BBX: variants seen among roughly 807,000 people sequenced by gnomAD.
The protein encoded by BBX is BBX high mobility group box domain containing, also known as HMG box transcription factor BBX.
In BBX, 30 loss-of-function variants were observed where a neutral mutation model predicts 100.2. The ratio of observed to expected loss-of-function variants is 0.30; its 90% CI spans 0.22 to 0.41. The LOEUF (loss-of-function observed/expected upper bound fraction) is 0.41, where lower values mean the gene tolerates loss of function less well. Among genes scored for constraint, BBX ranks in the 10% least tolerant of loss-of-function variants. The probability of loss-of-function intolerance (pLI) is 1.00; values close to 1 mark genes in which losing one functional copy is unlikely to be tolerated. For missense variants in BBX, 1,023 were observed against 1,129.8 expected (o/e 0.91, Z 1.35); for synonymous variants, 376 against 388.1 (o/e 0.97, Z 0.37).
chr3:107,643,849 T>C (rs1415583576), intron 2 of BBX, among the ~76,000 whole-genome samples: 1 of 152,168 alleles, frequency 6.6e-6, no homozygotes. Context: ...TGTTTCTGTT[T>C]GGCTGTCAGA....
At chr3:107,637,692 C>T (rs1210951377) in intron 2 of BBX, among the ~76,000 whole-genome samples, 1 of 152,152 alleles carries the variant, frequency 6.6e-6, no homozygotes, top group South Asian at 2.1e-4. Context: ...AGTGTGAAGT[C>T]ATGAGAAAAG....
rs1331269577 is a variant in BBX at position 107,748,048 on chromosome 3, T to G, written c.825+9T>G. ...TGTTTCAGTTTGCAGAGGTATGGCC[T>G]TTTTAAAATGCTTTTTAGGCTAAGA... On this transcript the variant is annotated intron_variant, in intron 9 of 17. Transcript: ENST00000325805. 3 of 1,605,292 alleles carry G rather than the reference T, an allele frequency of 1.9e-6. No homozygotes were observed. The highest frequency in any genetic ancestry group is 2.6e-6 in the Non-Finnish European group (3 of 1,174,966).
At chr3:107,660,319 T>G (rs1445966730) in intron 3 of BBX, among the ~76,000 whole-genome samples, 1 of 152,074 alleles carries the variant, frequency 6.6e-6, no homozygotes, top group Non-Finnish European at 1.5e-5. Flanking sequence ...ATTAAAATTT[T>G]TTTCTGGTTT....
rs1362675139 is a variant in BBX, at chr3:107,807,545, A to G, written c.*2088A>G. Reference sequence around the variant, plus strand: ...AATCCAAAACAAAAAACCAACAACAAAAATTGTATGGTGCGGAACATGCAC... The same window carrying G: ...AATCCAAAACAAAAAACCAACAACAGAAATTGTATGGTGCGGAACATGCAC... On this transcript the variant is annotated 3_prime_UTR_variant, in exon 18 of 18. Coordinates refer to ENST00000325805, the MANE Select transcript of BBX (RefSeq NM_001142568.3). 6.6e-6 allele frequency: 1 copy of G among 152,238 alleles called. No homozygotes were observed. The highest frequency in any genetic ancestry group is 1.5e-5 in the Non-Finnish European group (1 of 68,044). The allele number at this position is 152,238 out of a possible 1,614,324, so 9.4% of individuals were successfully genotyped here.
rs146778445 is a variant in BBX at position 107,582,482 on chromosome 3, C to T, written c.-84+56084C>T. On this transcript the variant is annotated intron_variant, in intron 2 of 17. Transcript: ENST00000325805. ...TTTGAAAACCAATAGCCACCCAAAG[C>T]CAAACTATTGATACTAATTTTAAGA... 5.1e-4 allele frequency among the ~76,000 whole-genome samples: 77 copies of T among 152,052 alleles called. No homozygotes were observed. In the South Asian group the frequency reaches 5.4e-3, roughly 11 times the overall value.
chr3:107,775,405 C>T (rs1296816347), intron 12 of BBX, among the ~76,000 whole-genome samples: 1 of 152,000 alleles, frequency 6.6e-6, no homozygotes, highest in Non-Finnish European at 1.5e-5. Context: ...CAATGGCATG[C>T]ATCAAGATAA....
chr3:107,533,343 A>G (rs62263345), intron 2 of BBX, among the ~76,000 whole-genome samples: 13,816 of 152,222 alleles, frequency 0.091, 886 homozygotes, highest in Middle Eastern at 0.17. Context: ...TTATTTTGCT[A>G]ACTTTGATCA....
At chr3:107,557,478 G>A (rs1416804152) in intron 2 of BBX, among the ~76,000 whole-genome samples, 1 of 152,136 alleles carries the variant, frequency 6.6e-6, no homozygotes, top group East Asian at 1.9e-4. Context: ...TCAAACCCTA[G>A]ATCTATGATC....
At chr3:107,700,330 G>A (rs2060941374) in intron 3 of BBX, among the ~76,000 whole-genome samples, 1 of 151,364 alleles carries the variant, frequency 6.6e-6, no homozygotes, top group Non-Finnish European at 1.5e-5. Context: ...AAAGTGGCAG[G>A]GAAGATGAGA....
At chr3:107,658,373 G>A (rs1306976118) in intron 3 of BBX, among the ~76,000 whole-genome samples, 1 of 152,036 alleles carries the variant, frequency 6.6e-6, no homozygotes, top group African/African-American at 2.4e-5. Context: ...AATGCCATCA[G>A]CAAACAAATA....
At chr3:107,693,212 A>G (rs1373212072) in intron 3 of BBX, among the ~76,000 whole-genome samples, 1 of 151,332 alleles carries the variant, frequency 6.6e-6, no homozygotes, top group African/African-American at 2.4e-5. Context: ...ATTAGATCCC[A>G]TTTGACAATT....
chr3:107,631,299 G>A (rs1319777498), intron 2 of BBX, among the ~76,000 whole-genome samples: 1 of 152,064 alleles, frequency 6.6e-6, no homozygotes, highest in African/African-American at 2.4e-5. Context: ...AAAGTGCCCG[G>A]GCAGGCACTT....
At chr3:107,772,596 G>T in intron 10 of BBX, 32 bp from the exon 11 acceptor site, 1 of 1,531,160 alleles carries the variant, frequency 6.5e-7, no homozygotes, top group Non-Finnish European at 8.7e-7. Context: ...GGATACTTTC[G>T]GGTGCTCTCC....
intron 2 of BBX, among the ~76,000 whole-genome samples, chr3:107,536,417 T>C (rs1251281691): frequency 2.0e-5 from 3 of 152,088 alleles, no homozygotes; most frequent in Non-Finnish European, 2.9e-5. Flanking sequence ...GGAAATAGGG[T>C]ATCTGTCTAT....
At position 107,694,108 on chromosome 3, in the gene BBX, G is replaced by T. The variant is rs1427007917; in HGVS notation, c.-9-16344G>T. Among the ~76,000 whole-genome samples, 9 of 123,732 alleles carry T rather than the reference G, an allele frequency of 7.3e-5. 1 individual carries two copies. Among genetic ancestry groups the T allele is most frequent in the Admixed American group, 6.7e-4 (8 of 12,026 alleles). 81.2% of individuals were successfully genotyped at this position (123,732 alleles called of 152,430 possible). A position where few individuals can be genotyped will look rare whatever the true frequency, so the allele number is the denominator to read the frequency against. Reference sequence around the variant, plus strand: ...GGAGATTTTGGGCTGAGACAATGGGGTTTTCTAGATATACAATCATGTCGT... The same window carrying T: ...GGAGATTTTGGGCTGAGACAATGGGTTTTTCTAGATATACAATCATGTCGT... On this transcript the variant is annotated intron_variant, in intron 3 of 17. Transcript: ENST00000325805.
chr3:107,541,762 T>G (rs1260035937), intron 2 of BBX, among the ~76,000 whole-genome samples: 1 of 152,132 alleles, frequency 6.6e-6, no homozygotes, highest in African/African-American at 2.4e-5. Flanking sequence ...CTGTAACATG[T>G]TCATATTGTA....
chr3:107,715,465 G>A (rs1428753942), intron 4 of BBX, among the ~76,000 whole-genome samples: 1 of 152,200 alleles, frequency 6.6e-6, no homozygotes, highest in African/African-American at 2.4e-5. Context: ...AAGCATTTTA[G>A]ATAAGGGATA....
At chr3:107,638,960 G>T (rs2057033414) in intron 2 of BBX, among the ~76,000 whole-genome samples, 1 of 151,954 alleles carries the variant, frequency 6.6e-6, no homozygotes, top group African/African-American at 2.4e-5. Flanking sequence ...CTGCACTCCA[G>T]CCTGGGCAAC....
intron 2 of BBX, among the ~76,000 whole-genome samples, chr3:107,633,527 G>T (rs1343255184): frequency 2.0e-5 from 3 of 152,192 alleles, no homozygotes; most frequent in African/African-American, 7.2e-5. Context: ...TGGGCATCAT[G>T]CCTGCGGACA....
Sources: allele counts gnomAD v4.1 joint callset (sites outside exome capture counted in the v4.1 genomes callset), GRCh38; gene constraint gnomAD v4.1.1; transcripts MANE v1.5; gene names NCBI Gene and HGNC (gene_info 2026-07-23, HGNC 2026-07-21).